Variants in PIK3C2B observed in about 807,000 individuals in gnomAD.
PIK3C2B encodes the protein phosphatidylinositol-4-phosphate 3-kinase catalytic subunit type 2 beta.
In PIK3C2B, 83 loss-of-function variants were observed where a neutral mutation model predicts 184.3. That is an observed-to-expected ratio of 0.45 (90% CI 0.38 to 0.54). PIK3C2B has a LOEUF of 0.54. Among genes scored for constraint, PIK3C2B ranks in the 20% least tolerant of loss-of-function variants. The probability of loss-of-function intolerance (pLI) is 0.00; values close to 1 mark genes in which losing one functional copy is unlikely to be tolerated. For missense variants in PIK3C2B, 1,736 were observed against 2,113.5 expected (o/e 0.82, Z 3.50); for synonymous variants, 779 against 837.6 (o/e 0.93, Z 1.21).
At chr1:204,440,452 T>A in intron 21 of PIK3C2B, 131 bp from the exon 22 acceptor site, 1 of 854,166 alleles carries the variant, frequency 1.2e-6, no homozygotes, top group Non-Finnish European at 1.7e-6. Flanking sequence ...CCTGACCTGC[T>A]CACTCAGCTC....
chr1:204,481,772 C>T (rs1467312904), intron 1 of PIK3C2B, among the ~76,000 whole-genome samples: 1 of 152,164 alleles, frequency 6.6e-6, no homozygotes, highest in Non-Finnish European at 1.5e-5. Flanking sequence ...TCCCAAATGC[C>T]CCCAGGCCTT....
chr1:204,445,508 A>C (rs1653775087), intron 16 of PIK3C2B, among the ~76,000 whole-genome samples: 2 of 151,172 alleles, frequency 1.3e-5, no homozygotes, highest in South Asian at 4.2e-4. Context: ...AGGCTGGGGC[A>C]GGAGGAGTGC....
chr1:204,465,074 T>G, intron 3 of PIK3C2B, 145 bp downstream of exon 3: 1 of 650,946 alleles, frequency 1.5e-6, no homozygotes, highest in Non-Finnish European at 2.8e-6. Context: ...TGCAGACACT[T>G]GTTGTAGGAA....
rs551508598 is a variant in PIK3C2B, at chr1:204,452,758, G to A, written c.2066+1911C>T. Among the ~76,000 whole-genome samples the A allele has an allele frequency of 3.4e-5, 5 of 148,638 alleles. No individual in the cohort carries two copies. The East Asian group carries it at 1.0e-3, about 30-fold the overall frequency. Reference sequence around the variant, plus strand: ...CAGCCTCGACCTCCCAGGCTCAAGTGACTCTCCCACCTCAGCCTCTTAAGT... The same window carrying A: ...CAGCCTCGACCTCCCAGGCTCAAGTAACTCTCCCACCTCAGCCTCTTAAGT... On this transcript the variant is annotated intron_variant, in intron 12 of 32. Transcript: ENST00000684373.
At chr1:204,457,670 A>T in intron 9 of PIK3C2B, 58 bp downstream of exon 9, 1 of 1,515,216 alleles carries the variant, frequency 6.6e-7, no homozygotes, top group Non-Finnish European at 8.9e-7. Context: ...CAGGCAACTC[A>T]GTTACCTGAC....
chr1:204,425,550 TTATC>T, intron 32 of PIK3C2B, 59 bp downstream of exon 32: 1 of 1,566,456 alleles, frequency 6.4e-7, no homozygotes, highest in Non-Finnish European at 8.8e-7. Flanking sequence ...CAATACGACT[TTATC>T]TAGGAGAACA....
chr1:204,483,843 C>T (rs1657384304), intron 1 of PIK3C2B, among the ~76,000 whole-genome samples: 1 of 152,172 alleles, frequency 6.6e-6, no homozygotes, highest in Non-Finnish European at 1.5e-5. Flanking sequence ...TCCACCAGCC[C>T]CTTGCCCATG....
intron 30 of PIK3C2B, 59 bp downstream of exon 30, chr1:204,428,080 A>T: frequency 1.1e-6 from 1 of 943,640 alleles, no homozygotes; most frequent in Non-Finnish European, 1.7e-6. Context: ...GGGCAGAAGC[A>T]GTTACCCTTG....
At chr1:204,446,283 CAT>C (rs1446761974) in intron 15 of PIK3C2B, 139 bp from the exon 16 acceptor site, 7 of 483,574 alleles carry the variant, frequency 1.4e-5, no homozygotes, top group Non-Finnish European at 2.5e-5. Flanking sequence ...AGCTTTGCTG[CAT>C]ATGACACCCA....
At chr1:204,427,579 G>A (rs1572274309) in intron 31 of PIK3C2B, 69 bp downstream of exon 31, 2 of 999,068 alleles carry the variant, frequency 2.0e-6, no homozygotes, top group Non-Finnish European at 3.2e-6. Flanking sequence ...CGGCAGAGAA[G>A]GTCTGCCCAA....
At chr1:204,462,149 G>A (rs1439719617) in intron 5 of PIK3C2B, among the ~76,000 whole-genome samples, 1 of 152,132 alleles carries the variant, frequency 6.6e-6, no homozygotes, top group Non-Finnish European at 1.5e-5. Context: ...ATTCAAGTGA[G>A]AGTATGAGGG....
intron 5 of PIK3C2B, 21 bp from the exon 6 acceptor site, chr1:204,460,682 G>A (rs1655260467): frequency 4.8e-6 from 7 of 1,458,984 alleles, no homozygotes; most frequent in Admixed American, 1.7e-5. Flanking sequence ...AGAGGGACAA[G>A]ACCATTAGCA....
At chr1:204,450,075 G>A in intron 12 of PIK3C2B, 58 bp from the exon 13 acceptor site, 2 of 1,443,702 alleles carry the variant, frequency 1.4e-6, no homozygotes, top group Non-Finnish European at 9.3e-7. Flanking sequence ...CAAGCAACAG[G>A]TGGCCCAGGA....
At position 204,465,229 on chromosome 1, in the gene PIK3C2B, T is replaced by C. The variant is rs1298471082; in HGVS notation, c.1024A>G (p.Met342Val). The C allele has an allele frequency of 3.0e-6, 4 of 1,348,682 alleles. No homozygotes were observed. The highest frequency in any genetic ancestry group is 3.0e-6 in the Non-Finnish European group (3 of 1,003,728). The allele number at this position is 1,348,682 out of a possible 1,614,324, so 83.5% of individuals were successfully genotyped here. Residue 342 changes from methionine to valine, a missense_variant, in exon 3 of 33, where the codon ATG becomes GTG. Physicochemically the swap from Met to Val is conservative, Grantham distance 21. Coordinates refer to ENST00000684373, the MANE Select transcript of PIK3C2B (RefSeq NM_001377334.1). Reference sequence around the variant, plus strand: ...TTCTTTAACTCTTACATATCCAGCATGTGGCAAAATGCAGCAACCTCCTCA... The same window carrying C: ...TTCTTTAACTCTTACATATCCAGCACGTGGCAAAATGCAGCAACCTCCTCA... Reference protein sequence around the residue: ...RDEEVAAFCHMLDILRSGSDI... With the variant: ...RDEEVAAFCHVLDILRSGSDI...
At position 204,424,363 on chromosome 1, in the gene PIK3C2B, C is replaced by T. The variant is rs1674634422; in HGVS notation, c.*489G>A. 5.1e-6 allele frequency: 1 copy of T among 197,558 alleles called. No homozygotes were observed. Among genetic ancestry groups the T allele is most frequent in the South Asian group, 7.7e-5 (1 of 13,056 alleles). 12.2% of individuals were successfully genotyped at this position (197,558 alleles called of 1,614,324 possible). On this transcript the variant is annotated 3_prime_UTR_variant, in exon 33 of 33. Coordinates refer to ENST00000684373, the MANE Select transcript of PIK3C2B (RefSeq NM_001377334.1). ...AAAAAAAAAAAACCTAGGGAAAAGT[C>T]CAATAAGAACCTTAATCATACAAAA...
rs762834517 is a variant in PIK3C2B, at chr1:204,449,983, G to C, written c.2101C>G (p.Arg701Gly). Residue 701 changes from arginine to glycine, a missense_variant, in exon 13 of 33, where the codon CGG (arginine) becomes GGG (glycine). Arg to Gly is a moderately radical substitution (Grantham distance 125). Coordinates refer to ENST00000684373, the MANE Select transcript of PIK3C2B (RefSeq NM_001377334.1). ...CFPVQVNRLP[R>G]ETLLCATLYA... ...AGAGTGGCACACAGCAGTGTCTCCC[G>C]AGGCAGCCGGTTCACCTGCACTGGG... 38 of 1,590,714 alleles carry C rather than the reference G, an allele frequency of 2.4e-5. No individual in the cohort carries two copies. The highest frequency in any genetic ancestry group is 2.8e-5 in the Non-Finnish European group (33 of 1,168,096).
Position 204,424,423 on chromosome 1 carries a change from C to A in PIK3C2B, c.*429G>T. On this transcript the variant is annotated 3_prime_UTR_variant, in exon 33 of 33. Coordinates refer to ENST00000684373, the MANE Select transcript of PIK3C2B (RefSeq NM_001377334.1). ...AGTCTTCCTCTCTTGCCTTCTGGGG[C>A]ATAGGTACGTCCCTTCTCGCAAGGC... 3.3e-6 allele frequency: 1 copy of A among 299,058 alleles called. No individual in the cohort carries two copies. The allele number at this position is 299,058 out of a possible 1,614,324, so 18.5% of individuals were successfully genotyped here.
At position 204,433,931 on chromosome 1, in the gene PIK3C2B, G is replaced by C; in HGVS notation, c.3705C>G (p.Val1235=). The C allele has an allele frequency of 1.2e-6, 2 of 1,614,018 alleles. No individual in the cohort carries two copies. Among genetic ancestry groups the C allele is most frequent in the South Asian group, 2.2e-5 (2 of 91,068 alleles). ...GNIKRDRAPF[V]FTSDMAYVIN... Reference sequence around the variant, plus strand: ...TGACATACGCCATGTCCGAGGTGAAGACAAAGGGGGCACGGTCCCTGAGCC... The same window carrying C: ...TGACATACGCCATGTCCGAGGTGAACACAAAGGGGGCACGGTCCCTGAGCC... The change falls in exon 25 of 33, where the codon GTC becomes GTG. Residue 1235 remains valine (V), a synonymous_variant. Coordinates refer to ENST00000684373, the MANE Select transcript of PIK3C2B (RefSeq NM_001377334.1). This position sits in a 1 kb window ranked among gnomAD's most constrained non-coding sequence, Gnocchi z 5.0.
At position 204,457,081 on chromosome 1, in the gene PIK3C2B, A is replaced by C. The variant is rs188969625; in HGVS notation, c.1714-11T>G. ...CAAGACACTGGGATCCTGTTGGGAA[A>C]AAGAAGAGGGAGGGGAGCTTCAGGG... is the stretch of plus-strand genomic sequence containing the variant. On this transcript the variant is annotated splice_polypyrimidine_tract_variant and intron_variant, in intron 9 of 32. Coordinates refer to ENST00000684373, the MANE Select transcript of PIK3C2B (RefSeq NM_001377334.1). The C allele has an allele frequency of 5.8e-6, 9 of 1,560,868 alleles. No homozygotes were observed. The African/African-American group carries it at 9.5e-5, about 16-fold the overall frequency.
Sources: allele counts gnomAD v4.1 joint callset (sites outside exome capture counted in the v4.1 genomes callset), GRCh38; gene constraint gnomAD v4.1.1; non-coding constraint Gnocchi (gnomAD v3.1); transcripts MANE v1.5; gene names NCBI Gene and HGNC (gene_info 2026-07-23, HGNC 2026-07-21).